Variants in NBAS observed in about 807,000 individuals in gnomAD.
The protein encoded by NBAS is NAG/BC035112 fusion.
In NBAS, 219 loss-of-function variants were observed where a neutral mutation model predicts 302.5. The ratio of observed to expected loss-of-function variants is 0.72; its 90% CI spans 0.65 to 0.81. The LOEUF is 0.81. Among genes scored for constraint, NBAS ranks in the 30% least tolerant of loss-of-function variants. NBAS has a pLI of 0.00. For missense variants in NBAS, 2,932 were observed against 2,841.6 expected, an observed-to-expected ratio of 1.03 and a Z score of -0.72; for synonymous variants, 1,118 against 1,021.6, an observed-to-expected ratio of 1.09 and a Z score of -1.80.
the NBAS span, among the ~76,000 whole-genome samples, chr2:14,977,430 C>G: frequency 1.3e-5 from 2 of 152,290 alleles, no homozygotes; most frequent in African/African-American, 4.8e-5. Context: ...AGACATTTTT[C>G]ATTTAAGAAT....
At chr2:14,932,873 G>T in the NBAS span, among the ~76,000 whole-genome samples, 8 of 152,146 alleles carry the variant, frequency 5.3e-5, no homozygotes, top group Non-Finnish European at 1.0e-4. Context: ...GGTTTCTATA[G>T]TTACTTCTGA....
At chr2:15,169,848 C>G (rs775430320) in intron 51 of NBAS, among the ~76,000 whole-genome samples, 1 of 152,232 alleles carries the variant, frequency 6.6e-6, no homozygotes, top group Non-Finnish European at 1.5e-5. Flanking sequence ...CCTCCAGCCA[C>G]GTGCATGCAC....
intron 14 of NBAS, among the ~76,000 whole-genome samples, chr2:15,474,935 G>C (rs1274984236): frequency 6.6e-6 from 1 of 152,136 alleles, no homozygotes; most frequent in Non-Finnish European, 1.5e-5. Context: ...CTGATAATTT[G>C]ATGATTTGTT....
At chr2:15,413,121 C>T (rs775264921) in intron 25 of NBAS, among the ~76,000 whole-genome samples, 3 of 152,232 alleles carry the variant, frequency 2.0e-5, no homozygotes, top group African/African-American at 4.8e-5. Flanking sequence ...TCCACACATA[C>T]TGGAAGCCAC....
chr2:15,283,926 C>T (rs1338410442), intron 42 of NBAS, among the ~76,000 whole-genome samples: 1 of 152,080 alleles, frequency 6.6e-6, no homozygotes, highest in East Asian at 1.9e-4. Flanking sequence ...CTATAAAAAT[C>T]CACCAACATG....
chr2:15,418,334 G>A (rs780418843), intron 23 of NBAS, among the ~76,000 whole-genome samples: 1 of 152,092 alleles, frequency 6.6e-6, no homozygotes, highest in Non-Finnish European at 1.5e-5. Flanking sequence ...CTATTTCCTG[G>A]TCAAGTTTAT....
intron 36 of NBAS, among the ~76,000 whole-genome samples, chr2:15,328,956 A>G (rs2148227631): frequency 6.6e-6 from 1 of 152,310 alleles, no homozygotes. Flanking sequence ...AATCCTTGAC[A>G]GATGGATGCA....
intron 38 of NBAS, among the ~76,000 whole-genome samples, chr2:15,317,095 A>C (rs944181935): frequency 2.0e-5 from 3 of 152,204 alleles, no homozygotes; most frequent in Non-Finnish European, 4.4e-5. Context: ...TTGGTGATGA[A>C]CAGGCAAACA....
At chr2:14,867,109 AC>A in the NBAS span, among the ~76,000 whole-genome samples, 3 of 152,156 alleles carry the variant, frequency 2.0e-5, no homozygotes, top group African/African-American at 7.2e-5. Context: ...AAACAAAACC[AC>A]CTATTGGGTA....
chr2:14,906,475 G>A, the NBAS span, among the ~76,000 whole-genome samples: 7 of 152,194 alleles, frequency 4.6e-5, no homozygotes, highest in African/African-American at 1.7e-4. Context: ...CGGAAAGGCT[G>A]CCTCTGCCTG....
intron 25 of NBAS, among the ~76,000 whole-genome samples, chr2:15,411,227 C>T (rs566617590): frequency 6.6e-6 from 1 of 152,270 alleles, no homozygotes; most frequent in Admixed American, 6.5e-5. Context: ...TCTGACTCAT[C>T]ATTTTAAAGA....
the NBAS span, among the ~76,000 whole-genome samples, chr2:14,926,606 C>T: frequency 2.3e-4 from 35 of 152,208 alleles, no homozygotes; most frequent in African/African-American, 6.5e-4. Flanking sequence ...AAATTTACCA[C>T]GTTAGCCATT....
chr2:15,429,864 T>C (rs1253339818), intron 21 of NBAS, among the ~76,000 whole-genome samples: 1 of 152,200 alleles, frequency 6.6e-6, no homozygotes, highest in Admixed American at 6.5e-5. Flanking sequence ...AATAAAAAAC[T>C]ATTTTATTTT....
At chr2:15,034,029 GGAGGAGGA>G in the NBAS span, among the ~76,000 whole-genome samples, 10 of 11,562 alleles carry the variant, frequency 8.6e-4, no homozygotes, top group South Asian at 4.0e-3. Flanking sequence ...AAGAAGAAGA[GGAGGAGGA>G]AGGAGGAGGA....
intron 6 of NBAS, among the ~76,000 whole-genome samples, chr2:15,550,101 T>C (rs1383169028): frequency 1.3e-5 from 2 of 152,138 alleles, no homozygotes; most frequent in African/African-American, 4.8e-5. Flanking sequence ...GAGGTCAGGC[T>C]GCAGTAAACC....
chr2:14,980,932 G>A, the NBAS span, among the ~76,000 whole-genome samples: 18,953 of 152,094 alleles, frequency 0.12, 1,325 homozygotes, highest in Middle Eastern at 0.21. Context: ...CAGTAGAACT[G>A]TTGAAAGGTA....
the NBAS span, among the ~76,000 whole-genome samples, chr2:14,802,966 C>A: frequency 2.7e-5 from 4 of 148,012 alleles, no homozygotes; most frequent in Non-Finnish European, 4.5e-5. Context: ...GTGCAGCGCA[C>A]CAGCATGGCA....
the NBAS span, among the ~76,000 whole-genome samples, chr2:15,150,510 A>C: frequency 6.6e-6 from 1 of 152,182 alleles, no homozygotes; most frequent in Non-Finnish European, 1.5e-5. Context: ...ATTGGTATTT[A>C]AGAGGATGTA....
intron 48 of NBAS, among the ~76,000 whole-genome samples, chr2:15,213,310 A>C (rs1666504741): frequency 6.6e-6 from 1 of 152,242 alleles, no homozygotes; most frequent in Non-Finnish European, 1.5e-5. Context: ...TGCCCTGTTC[A>C]AACAACAGTT....
Sources: gnomAD v4.1 joint callset for allele counts (sites outside exome capture counted in the v4.1 genomes callset) on GRCh38, gnomAD v4.1.1 for gene constraint, MANE v1.5 for transcripts, NCBI Gene and HGNC (gene_info 2026-07-23, HGNC 2026-07-21) for gene names.